USH2A: variants seen among roughly 807,000 people sequenced by gnomAD.
USH2A encodes Usher syndrome 2A (autosomal recessive, mild).
A neutral mutation model predicts 538.9 loss-of-function variants in USH2A; 443 were observed. That is an observed-to-expected ratio of 0.82 (90% CI 0.76 to 0.89). The LOEUF is 0.89. Among genes scored for constraint, USH2A ranks in the 40% least tolerant of loss-of-function variants. The pLI is 0.00. For synonymous variants in USH2A, 2,413 were observed against 2,273.5 expected (o/e 1.06, Z -1.75); for missense variants, 6,633 against 6,324.8 (o/e 1.05, Z -1.65).
intron 3 of USH2A, among the ~76,000 whole-genome samples, chr1:216,381,509 A>G (rs2038922647): frequency 6.6e-6 from 1 of 152,152 alleles, no homozygotes; most frequent in Non-Finnish European, 1.5e-5. Context: ...AGTAATCAAC[A>G]ATACTAGGGG....
intron 61 of USH2A, among the ~76,000 whole-genome samples, chr1:215,693,074 G>GTA (rs1365843165): frequency 6.8e-5 from 8 of 117,332 alleles, no homozygotes; most frequent in African/African-American, 2.5e-4. Flanking sequence ...ATTTTTGTGT[G>GTA]TGTATATATA....
intron 21 of USH2A, among the ~76,000 whole-genome samples, chr1:216,113,867 A>G (rs1338697290): frequency 1.3e-5 from 2 of 151,708 alleles, no homozygotes; most frequent in South Asian, 2.1e-4. Context: ...GTATTTTTAT[A>G]TTTAATTTTC....
chr1:216,043,866 A>G (rs2102522600), intron 32 of USH2A, among the ~76,000 whole-genome samples: 1 of 152,182 alleles, frequency 6.6e-6, no homozygotes, highest in African/African-American at 2.4e-5. Flanking sequence ...GTTTAGGCGC[A>G]TGGAAGGGGT....
chr1:215,662,896 T>C (rs1021689161), intron 64 of USH2A, among the ~76,000 whole-genome samples: 1 of 152,290 alleles, frequency 6.6e-6, no homozygotes. Flanking sequence ...GTTCAATATG[T>C]TTTCTCTAAA....
intron 52 of USH2A, among the ~76,000 whole-genome samples, chr1:215,783,225 A>G (rs956336732): frequency 6.6e-6 from 1 of 152,202 alleles, no homozygotes; most frequent in Non-Finnish European, 1.5e-5. Flanking sequence ...AATCATGTAT[A>G]ATAAGATTTA....
chr1:216,315,602 A>C (rs1442684332), intron 9 of USH2A, among the ~76,000 whole-genome samples: 1 of 152,164 alleles, frequency 6.6e-6, no homozygotes, highest in Non-Finnish European at 1.5e-5. Context: ...TATTGTACAC[A>C]AATCACACTT....
intron 20 of USH2A, among the ~76,000 whole-genome samples, chr1:216,178,787 T>G (rs894223616): frequency 1.3e-5 from 2 of 152,156 alleles, no homozygotes; most frequent in Non-Finnish European, 2.9e-5. Flanking sequence ...ATAAGACTAT[T>G]GAGCACTTGA....
At chr1:216,411,423 T>C (rs906362422) in intron 3 of USH2A, among the ~76,000 whole-genome samples, 1 of 152,056 alleles carries the variant, frequency 6.6e-6, no homozygotes, top group African/African-American at 2.4e-5. Context: ...TCTTTTTGGA[T>C]GTAATTGTTA....
chr1:215,755,758 G>C (rs1342459459), intron 58 of USH2A, among the ~76,000 whole-genome samples: 1 of 152,174 alleles, frequency 6.6e-6, no homozygotes, highest in African/African-American at 2.4e-5. Flanking sequence ...GGCTGGACCA[G>C]AATGAACAAT....
chr1:216,050,570 T>TTC lies in USH2A; in HGVS notation c.6050-1925_6050-1924dup, dbSNP rs1259960737. 2.3e-4 allele frequency among the ~76,000 whole-genome samples: 9 copies of TTC among 39,630 alleles called. 1 individual carries two copies. Among genetic ancestry groups the TTC allele is most frequent in the African/African-American group, 7.8e-4 (9 of 11,532 alleles). The allele number at this position is 39,630 out of a possible 152,430, so 26.0% of individuals were successfully genotyped here. ...AGACAATTTGTATCTTTTTCTTTCT[T>TTC]TCTTTCTTTCTTTCTTTCTTTCTTT... is the stretch of plus-strand genomic sequence containing the variant. On this transcript the variant is annotated intron_variant, in intron 30 of 71. Transcript: ENST00000307340.
intron 21 of USH2A, among the ~76,000 whole-genome samples, chr1:216,107,495 T>C (rs2032761867): frequency 6.6e-6 from 1 of 151,816 alleles, no homozygotes; most frequent in African/African-American, 2.4e-5. Context: ...CTTTTAAGCT[T>C]TTTATGTTTT....
At chr1:215,982,319 A>G (rs1667769685) in intron 35 of USH2A, among the ~76,000 whole-genome samples, 1 of 152,234 alleles carries the variant, frequency 6.6e-6, no homozygotes, top group African/African-American at 2.4e-5. Flanking sequence ...GAAGGGACAC[A>G]CACAGAACTG....
intron 49 of USH2A, among the ~76,000 whole-genome samples, chr1:215,806,982 C>T (rs541243404): frequency 6.6e-5 from 10 of 152,006 alleles, no homozygotes; most frequent in Non-Finnish European, 1.3e-4. Flanking sequence ...ATTACCTTAC[C>T]ATGGTAAGCA....
Position 215,878,988 on chromosome 1 carries a change from T to C in USH2A, c.8334A>G (p.Gln2778=). 1 of 1,614,084 alleles carries C rather than the reference T, an allele frequency of 6.2e-7. No homozygotes were observed. Among genetic ancestry groups the C allele is most frequent in the Admixed American group, 1.7e-5 (1 of 60,002 alleles). ...TGAAAGGAATCAGATGAGTAACTTT[T>C]TGACTTAACACTGCGGAAGTCACAT... The part of the protein sequence containing the change: ...LTNVTSAVLS[Q]KVTHLIPFTN... Residue 2778 remains glutamine, a synonymous_variant, in exon 42 of 72, where the codon CAA becomes CAG. Coordinates refer to ENST00000307340, the MANE Select transcript of USH2A (RefSeq NM_206933.4).
At chr1:216,223,992 C>G (rs926806761) in intron 14 of USH2A, among the ~76,000 whole-genome samples, 1 of 152,150 alleles carries the variant, frequency 6.6e-6, no homozygotes, top group Non-Finnish European at 1.5e-5. Context: ...GAAGTCTGAG[C>G]CTTTATTCTC....
In USH2A at chr1:216,199,641, G is replaced by A; in HGVS notation, c.3797C>T (p.Pro1266Leu). 5.0e-6 allele frequency: 8 copies of A among 1,614,024 alleles called. No homozygotes were observed. The highest frequency in any genetic ancestry group is 6.8e-6 in the Non-Finnish European group (8 of 1,179,972). The change falls in exon 17 of 72, where the codon CCA (proline) becomes CTA (leucine). Residue 1266 changes from proline to leucine, a missense_variant. Physicochemically the swap from Pro to Leu is moderately conservative, Grantham distance 98. Coordinates refer to ENST00000307340, the MANE Select transcript of USH2A (RefSeq NM_206933.4). ...TGGATTCTTACCATTTAGTTCCGCT[G>A]GTGGAGACCATTCTACATGAAGTTC... ...STELHVEWSPPAELNGIIIRY... is the reference protein window; with the variant it reads ...STELHVEWSPLAELNGIIIRY...
chr1:216,370,680 A>AAAAAAAAAAAAC lies in USH2A; in HGVS notation c.652-5596_652-5595insGTTTTTTTTTTT. ...GGAACAGAGCCAGACTCTGTCTCAA[A>AAAAAAAAAAAAC]AAAAAAAAAAAAAAAAAAAAAATAC... is the stretch of plus-strand genomic sequence containing the variant. On this transcript the variant is annotated intron_variant, in intron 3 of 71. Coordinates refer to ENST00000307340, the MANE Select transcript of USH2A (RefSeq NM_206933.4). Among the ~76,000 whole-genome samples, 2 of 141,826 alleles carry AAAAAAAAAAAAC rather than the reference A, an allele frequency of 1.4e-5. 1 individual carries two copies. The highest frequency in any genetic ancestry group is 3.0e-5 in the Non-Finnish European group (2 of 66,640). 93.0% of individuals were successfully genotyped at this position (141,826 alleles called of 152,430 possible).
At chr1:216,378,672 ATTTG>A (rs961270139) in intron 3 of USH2A, among the ~76,000 whole-genome samples, 16 of 151,832 alleles carry the variant, frequency 1.1e-4, no homozygotes, top group Non-Finnish European at 2.1e-4. Context: ...TATGTTTCTT[ATTTG>A]TTTGAGTTTT....
At chr1:215,684,860 C>G (rs1658360968) in intron 61 of USH2A, among the ~76,000 whole-genome samples, 1 of 150,688 alleles carries the variant, frequency 6.6e-6, no homozygotes, top group Non-Finnish European at 1.5e-5. Flanking sequence ...TGATGAATAC[C>G]AAGAACCAGA....
Sources: gnomAD v4.1 joint callset for allele counts (sites outside exome capture counted in the v4.1 genomes callset) on GRCh38, gnomAD v4.1.1 for gene constraint, MANE v1.5 for transcripts, NCBI Gene and HGNC (gene_info 2026-07-23, HGNC 2026-07-21) for gene names.